ZMAT4: variants seen among roughly 807,000 people sequenced by gnomAD.
ZMAT4 encodes the protein zinc finger matrin-type 4.
In ZMAT4, 17 loss-of-function variants were observed where a neutral mutation model predicts 28.7. The observed-to-expected ratio is 0.59, with a 90% confidence interval of 0.41 to 0.89. The LOEUF (loss-of-function observed/expected upper bound fraction) is 0.89, where lower values mean the gene tolerates loss of function less well. ZMAT4 is among the 40% of genes least tolerant of loss of function. ZMAT4 has a pLI of 0.00. For synonymous variants in ZMAT4, 117 were observed against 109.2 expected (o/e 1.07, Z -0.44); for missense variants, 240 against 283.8 (o/e 0.85, Z 1.11).
chr8:40,705,980 C>T (rs1810332052), intron 3 of ZMAT4, among the ~76,000 whole-genome samples: 1 of 152,166 alleles, frequency 6.6e-6, no homozygotes. Context: ...TTCAATAGCA[C>T]TTTTGAGTGA....
At chr8:40,794,500 C>CTA (rs1814500131) in intron 2 of ZMAT4, among the ~76,000 whole-genome samples, 1 of 152,212 alleles carries the variant, frequency 6.6e-6, no homozygotes. Context: ...TCCTGCTTCT[C>CTA]TATCAGCCTT....
At chr8:40,751,704 G>A (rs1203822782) in intron 3 of ZMAT4, among the ~76,000 whole-genome samples, 1 of 152,144 alleles carries the variant, frequency 6.6e-6, no homozygotes, top group Non-Finnish European at 1.5e-5. Flanking sequence ...AAGAGAGACA[G>A]CCAGTAAGAG....
intron 5 of ZMAT4, among the ~76,000 whole-genome samples, chr8:40,637,084 A>G (rs1806818371): frequency 8.4e-6 from 1 of 119,196 alleles, no homozygotes; most frequent in African/African-American, 2.8e-5. Flanking sequence ...AAAATAATGA[A>G]ATAGATTTTA....
chr8:40,728,581 T>G (rs532663367), intron 3 of ZMAT4, among the ~76,000 whole-genome samples: 44 of 152,332 alleles, frequency 2.9e-4, no homozygotes, highest in African/African-American at 1.0e-3. Context: ...CAAAAATGCC[T>G]CCTACTGCTG....
chr8:40,638,643 T>A (rs1806886292), intron 5 of ZMAT4, among the ~76,000 whole-genome samples: 1 of 152,228 alleles, frequency 6.6e-6, no homozygotes, highest in Non-Finnish European at 1.5e-5. Context: ...AACAAGTGCA[T>A]TCATGAAAGT....
chr8:40,746,402 T>A lies in ZMAT4; in HGVS notation c.192+21239A>T, dbSNP rs527800107. ...TTTTTTTTTGACAGTCTCGCTCTCT[T>A]GCCGAGGCTGGAGTGCAATGGCGCA... On this transcript the variant is annotated intron_variant, in intron 3 of 6. Coordinates refer to ENST00000297737, the MANE Select transcript of ZMAT4 (RefSeq NM_024645.3). 3.5e-5 allele frequency among the ~76,000 whole-genome samples: 5 copies of A among 144,588 alleles called. No homozygotes were observed. The South Asian group carries it at 1.1e-3, about 32-fold the overall frequency. The allele number at this position is 144,588 out of a possible 152,430, so 94.9% of individuals were successfully genotyped here. A position where few individuals can be genotyped will look rare whatever the true frequency, so the allele number is the denominator to read the frequency against.
intron 3 of ZMAT4, among the ~76,000 whole-genome samples, chr8:40,720,523 C>CTTTT (rs1307193398): frequency 2.3e-4 from 26 of 113,118 alleles, no homozygotes; most frequent in South Asian, 1.6e-3. Context: ...TGGGTAGAAT[C>CTTTT]TTTTTTTTTT....
chr8:40,895,154 A>T (rs570512537), intron 1 of ZMAT4, among the ~76,000 whole-genome samples: 29 of 105,140 alleles, frequency 2.8e-4, no homozygotes, highest in Non-Finnish European at 4.7e-4. Flanking sequence ...ATAGTGGTTA[A>T]AAGAGAGAGA....
chr8:40,865,504 A>G (rs188021244), intron 1 of ZMAT4, among the ~76,000 whole-genome samples: 3 of 152,318 alleles, frequency 2.0e-5, no homozygotes, highest in African/African-American at 7.2e-5. Flanking sequence ...GAGTGAGCCC[A>G]GGCCTCTCTG....
At chr8:40,716,626 AG>A in intron 3 of ZMAT4, among the ~76,000 whole-genome samples, 1 of 152,176 alleles carries the variant, frequency 6.6e-6, no homozygotes, top group Non-Finnish European at 1.5e-5. Flanking sequence ...TGGGAGGTGG[AG>A]GTTGTGGTGA....
Position 40,880,884 on chromosome 8 carries a change from C to T in ZMAT4, c.-5+16799G>A, listed in dbSNP as rs565304346. Among the ~76,000 whole-genome samples the T allele has an allele frequency of 2.2e-4, 34 of 152,198 alleles. No individual in the cohort carries two copies. The East Asian group carries it at 6.4e-3, about 29-fold the overall frequency. ...GAATGTTGAATGTTTTCACACTCTA[C>T]GCTTGTGCCGAGATTCACACATCAC... On this transcript the variant is annotated intron_variant, in intron 1 of 6. Coordinates refer to ENST00000297737, the MANE Select transcript of ZMAT4 (RefSeq NM_024645.3).
At position 40,722,587 on chromosome 8, in the gene ZMAT4, A is replaced by G. The variant is rs569434826; in HGVS notation, c.193-25186T>C. Among the ~76,000 whole-genome samples, 54 of 152,338 alleles carry G rather than the reference A, an allele frequency of 3.5e-4. No individual in the cohort carries two copies. In the East Asian group the frequency reaches 9.2e-3, roughly 26 times the overall value. ...TTGCCATCAAATATGATAAAGTCACATTCACATTACTCTCAAAAAGCCTAA... is the reference window on the plus strand; with the variant it reads ...TTGCCATCAAATATGATAAAGTCACGTTCACATTACTCTCAAAAAGCCTAA... On this transcript the variant is annotated intron_variant, in intron 3 of 6. Coordinates refer to ENST00000297737, the MANE Select transcript of ZMAT4 (RefSeq NM_024645.3).
At chr8:40,865,101 G>A (rs933489834) in intron 1 of ZMAT4, among the ~76,000 whole-genome samples, 4 of 152,112 alleles carry the variant, frequency 2.6e-5, no homozygotes, top group South Asian at 2.1e-4. Context: ...CCCTTTAAAC[G>A]TACGCTTTTT....
intron 2 of ZMAT4, among the ~76,000 whole-genome samples, chr8:40,792,795 A>T (rs1474868766): frequency 6.7e-6 from 1 of 149,636 alleles, no homozygotes; most frequent in Non-Finnish European, 1.5e-5. Flanking sequence ...CAATCAGGCC[A>T]TGAAAAGACA....
At chr8:40,832,468 G>C (rs1816320502) in intron 1 of ZMAT4, among the ~76,000 whole-genome samples, 4 of 152,152 alleles carry the variant, frequency 2.6e-5, no homozygotes, top group Admixed American at 2.6e-4. Context: ...AAAAGCCGCT[G>C]TGCCCTCTGC....
intron 2 of ZMAT4, among the ~76,000 whole-genome samples, chr8:40,771,064 G>T (rs1813369280): frequency 6.6e-6 from 1 of 152,048 alleles, no homozygotes; most frequent in South Asian, 2.1e-4. Flanking sequence ...AAAAAATTAG[G>T]GAGACAATTG....
intron 4 of ZMAT4, among the ~76,000 whole-genome samples, chr8:40,680,762 A>G (rs1809128437): frequency 6.7e-6 from 1 of 148,754 alleles, no homozygotes; most frequent in South Asian, 2.2e-4. Flanking sequence ...TACATCCCCC[A>G]TCAAGCTCCC....
At chr8:40,708,571 TTCTCTCTCTCTCTCTCTCTCTCTC>T (rs36210172) in intron 3 of ZMAT4, among the ~76,000 whole-genome samples, 3 of 120,980 alleles carry the variant, frequency 2.5e-5, no homozygotes, top group Non-Finnish European at 3.3e-5. Flanking sequence ...TACACACTCT[TTCTCTCTCTCTCTCTCTCTCTCTC>T]TCTCTCTCTC....
intron 5 of ZMAT4, among the ~76,000 whole-genome samples, chr8:40,648,172 T>C (rs889956301): frequency 6.6e-6 from 1 of 152,040 alleles, no homozygotes; most frequent in Non-Finnish European, 1.5e-5. Flanking sequence ...CTTGAAAACT[T>C]TGAAAAAAAT....
Sources: gnomAD v4.1 joint callset for allele counts (sites outside exome capture counted in the v4.1 genomes callset) on GRCh38, gnomAD v4.1.1 for gene constraint, MANE v1.5 for transcripts, NCBI Gene and HGNC (gene_info 2026-07-23, HGNC 2026-07-21) for gene names.